Variants in EYA1 observed in about 807,000 individuals in gnomAD.
The protein encoded by EYA1 is EYA transcriptional coactivator and phosphatase 1.
In EYA1, 16 loss-of-function variants were observed where a neutral mutation model predicts 82.0. That is an observed-to-expected ratio of 0.20 (90% CI 0.13 to 0.30). EYA1 has a LOEUF of 0.30. EYA1 is among the 10% of genes least tolerant of loss of function. EYA1 has a pLI of 1.00. For missense variants in EYA1, 633 were observed against 730.7 expected, an observed-to-expected ratio of 0.87 and a Z score of 1.54; for synonymous variants, 261 against 264.4, an observed-to-expected ratio of 0.99 and a Z score of 0.12.
intron 2 of EYA1, among the ~76,000 whole-genome samples, chr8:71,510,037 ATTT>A (rs1812479010): frequency 6.6e-6 from 1 of 150,588 alleles, no homozygotes; most frequent in Non-Finnish European, 1.5e-5. Context: ...ACTATATATT[ATTT>A]ATTATTTTAA....
intron 7 of EYA1, among the ~76,000 whole-genome samples, chr8:71,311,395 C>T (rs1419372226): frequency 6.6e-6 from 1 of 152,210 alleles, no homozygotes; most frequent in Non-Finnish European, 1.5e-5. Flanking sequence ...AACTCACACA[C>T]AACACCCCGT....
Position 71,244,593 on chromosome 8 carries a change from TA to T in EYA1, c.1140+9del. 7.0e-7 allele frequency: 1 copy of T among 1,438,172 alleles called. No individual in the cohort carries two copies. Among genetic ancestry groups the T allele is most frequent in the Non-Finnish European group, 9.7e-7 (1 of 1,027,034 alleles). 89.1% of individuals were successfully genotyped at this position (1,438,172 alleles called of 1,614,324 possible). A position where few individuals can be genotyped will look rare whatever the true frequency, so the allele number is the denominator to read the frequency against. On this transcript the variant is annotated intron_variant, in intron 12 of 17. Coordinates refer to ENST00000340726, the MANE Select transcript of EYA1 (RefSeq NM_000503.6). ...ACATGCAAAAATATGTATTAAAAATTAGAACTTACTTCTAAGTCATTAAAAA... is the reference window on the plus strand; with the variant it reads ...ACATGCAAAAATATGTATTAAAAATTGAACTTACTTCTAAGTCATTAAAAA...
intron 2 of EYA1, among the ~76,000 whole-genome samples, chr8:71,423,664 T>C (rs906953683): frequency 6.6e-6 from 1 of 152,234 alleles, no homozygotes; most frequent in Non-Finnish European, 1.5e-5. Context: ...GTTCTTTAAT[T>C]AATTTCATTT....
intron 2 of EYA1, among the ~76,000 whole-genome samples, chr8:71,491,164 G>A (rs552185420): frequency 2.0e-5 from 3 of 152,308 alleles, no homozygotes; most frequent in South Asian, 2.1e-4. Context: ...ATGGCTAATC[G>A]ATGGCAGCCA....
chr8:71,248,891 A>G (rs1813418797), intron 11 of EYA1, among the ~76,000 whole-genome samples: 1 of 152,214 alleles, frequency 6.6e-6, no homozygotes, highest in Admixed American at 6.5e-5. Flanking sequence ...AAGGAAAAAA[A>G]CACGTTCTTA....
At chr8:71,343,708 T>G (rs1041100734) in intron 3 of EYA1, among the ~76,000 whole-genome samples, 1 of 152,212 alleles carries the variant, frequency 6.6e-6, no homozygotes, top group Non-Finnish European at 1.5e-5. Flanking sequence ...TTTCAAGTAT[T>G]CTGTCATAAG....
At chr8:71,519,819 G>A (rs977653798) in intron 2 of EYA1, among the ~76,000 whole-genome samples, 4 of 152,130 alleles carry the variant, frequency 2.6e-5, no homozygotes, top group East Asian at 1.9e-4. Flanking sequence ...AGAAGGGATC[G>A]GTTATTTGGA....
chr8:71,368,425 C>A (rs1827884440), intron 2 of EYA1, among the ~76,000 whole-genome samples: 1 of 151,824 alleles, frequency 6.6e-6, no homozygotes, highest in Admixed American at 6.6e-5. Flanking sequence ...GAGGATCTTC[C>A]CTGCTTGTAG....
intron 2 of EYA1, among the ~76,000 whole-genome samples, chr8:71,443,067 AACAC>A (rs1166488355): frequency 6.6e-6 from 1 of 152,236 alleles, no homozygotes; most frequent in African/African-American, 2.4e-5. Context: ...CAGAATCTGC[AACAC>A]ACAGAGAAAA....
intron 3 of EYA1, 146 bp downstream of exon 3, chr8:71,354,636 G>T: frequency 1.3e-6 from 1 of 791,844 alleles, no homozygotes; most frequent in South Asian, 1.4e-5. Flanking sequence ...AATGAGTACT[G>T]ATTGGTAAGT....
At chr8:71,398,375 T>G (rs1354370036) in intron 2 of EYA1, among the ~76,000 whole-genome samples, 2 of 152,214 alleles carry the variant, frequency 1.3e-5, no homozygotes, top group African/African-American at 4.8e-5. Context: ...AAAGGCACTC[T>G]GATTTTTAGA....
chr8:71,485,868 T>G (rs535281671), intron 2 of EYA1, among the ~76,000 whole-genome samples: 1 of 152,324 alleles, frequency 6.6e-6, no homozygotes, highest in Admixed American at 6.5e-5. Flanking sequence ...TTTATGAGTT[T>G]TTATGAGTGT....
chr8:71,242,964 AC>A (rs1464906338), intron 12 of EYA1, among the ~76,000 whole-genome samples: 18 of 129,050 alleles, frequency 1.4e-4, no homozygotes, highest in South Asian at 2.2e-4. Context: ...TTTAATAGAG[AC>A]GGGGGTTTCT....
intron 7 of EYA1, among the ~76,000 whole-genome samples, chr8:71,311,499 C>T (rs1207209844): frequency 6.6e-6 from 1 of 152,202 alleles, no homozygotes; most frequent in Non-Finnish European, 1.5e-5. Context: ...CACACTCTGT[C>T]CATCCACACC....
intron 4 of EYA1, among the ~76,000 whole-genome samples, chr8:71,326,641 G>C (rs1351407716): frequency 6.6e-6 from 1 of 152,164 alleles, no homozygotes; most frequent in Admixed American, 6.5e-5. Flanking sequence ...GAGAGCTGGG[G>C]CTCCTCTGAT....
At chr8:71,263,227 A>G (rs62506566) in intron 11 of EYA1, among the ~76,000 whole-genome samples, 31,190 of 152,180 alleles carry the variant, frequency 0.2, 3,375 homozygotes, top group Middle Eastern at 0.3. Flanking sequence ...GGTCAATGGC[A>G]CAGGCAGAGG....
At chr8:71,380,459 C>T (rs1049917630) in intron 2 of EYA1, among the ~76,000 whole-genome samples, 1 of 152,134 alleles carries the variant, frequency 6.6e-6, no homozygotes, top group Non-Finnish European at 1.5e-5. Context: ...ACCACGCATG[C>T]CATCTAGCAT....
chr8:71,241,926 T>C lies in EYA1; in HGVS notation c.1140+2677A>G, dbSNP rs143168745. Reference sequence around the variant, plus strand: ...AAAAATATAAAATAAAAGATTGGCCTGGGAGCAGTGACTCATGCCTGTAAT... The same window carrying C: ...AAAAATATAAAATAAAAGATTGGCCCGGGAGCAGTGACTCATGCCTGTAAT... On this transcript the variant is annotated intron_variant, in intron 12 of 17. Transcript: ENST00000340726. Among the ~76,000 whole-genome samples, 384 of 152,270 alleles carry C rather than the reference T, an allele frequency of 2.5e-3. 1 individual carries two copies. The highest frequency in any genetic ancestry group is 8.6e-3 in the African/African-American group (356 of 41,544).
intron 2 of EYA1, among the ~76,000 whole-genome samples, chr8:71,506,409 A>T (rs948683838): frequency 1.3e-5 from 2 of 152,250 alleles, no homozygotes; most frequent in African/African-American, 4.8e-5. Flanking sequence ...TTGTCTGTTC[A>T]TCTCAGTGTG....
Sources: gnomAD v4.1 joint callset for allele counts (sites outside exome capture counted in the v4.1 genomes callset) on GRCh38, gnomAD v4.1.1 for gene constraint, MANE v1.5 for transcripts, NCBI Gene and HGNC (gene_info 2026-07-23, HGNC 2026-07-21) for gene names.